RBFOX1: variants seen among roughly 807,000 people sequenced by gnomAD.
RBFOX1 encodes RNA binding protein fox-1 homolog 1.
In RBFOX1, 8 loss-of-function variants were observed where a neutral mutation model predicts 57.7. That is an observed-to-expected ratio of 0.14 (90% CI 0.08 to 0.25). The LOEUF (loss-of-function observed/expected upper bound fraction) is 0.25, where lower values mean the gene tolerates loss of function less well. RBFOX1 is among the 10% of genes least tolerant of loss of function. RBFOX1 has a pLI of 1.00. For synonymous variants in RBFOX1, 326 were observed against 222.4 expected (o/e 1.47, Z -4.15); for missense variants, 611 against 548.5 (o/e 1.11, Z -1.14).
At chr16:6,331,322 C>G (rs1026395255) in intron 2 of RBFOX1, among the ~76,000 whole-genome samples, 5 of 152,114 alleles carry the variant, frequency 3.3e-5, no homozygotes, top group African/African-American at 1.2e-4. Context: ...TGGTGCATGC[C>G]TGTAGTCCCA....
At chr16:6,937,107 TA>T (rs778233289) in intron 3 of RBFOX1, among the ~76,000 whole-genome samples, 1 of 151,740 alleles carries the variant, frequency 6.6e-6, no homozygotes, top group Non-Finnish European at 1.5e-5. Flanking sequence ...AAAAAATAAA[TA>T]AAAAAAGATC....
chr16:7,216,560 G>A (rs2092079344), intron 4 of RBFOX1, among the ~76,000 whole-genome samples: 1 of 152,136 alleles, frequency 6.6e-6, no homozygotes, highest in African/African-American at 2.4e-5. Context: ...AGTAAAGGGT[G>A]TAGCACAGAA....
At chr16:7,340,896 C>A (rs1193211208) in intron 4 of RBFOX1, among the ~76,000 whole-genome samples, 2 of 152,130 alleles carry the variant, frequency 1.3e-5, no homozygotes, top group Non-Finnish European at 2.9e-5. Flanking sequence ...TCATTTTGAT[C>A]ATTTTAAAGG....
intron 4 of RBFOX1, among the ~76,000 whole-genome samples, chr16:7,120,308 A>C (rs1365038250): frequency 6.6e-6 from 1 of 151,288 alleles, no homozygotes; most frequent in Non-Finnish European, 1.5e-5. Flanking sequence ...AAACTAATAC[A>C]TGCAAAGAGA....
At chr16:5,796,864 T>A (rs2151744980) in intron 3 of RBFOX1, among the ~76,000 whole-genome samples, 1 of 152,348 alleles carries the variant, frequency 6.6e-6, no homozygotes, top group East Asian at 1.9e-4. Context: ...CTCACATCAT[T>A]CATCAATTCA....
At chr16:7,454,334 A>G (rs555859021) in intron 4 of RBFOX1, among the ~76,000 whole-genome samples, 1 of 152,322 alleles carries the variant, frequency 6.6e-6, no homozygotes, top group Non-Finnish European at 1.5e-5. Flanking sequence ...GGTGAAGTAG[A>G]TGGGGGTGGG....
At chr16:6,698,988 C>G (rs2061446710) in intron 3 of RBFOX1, among the ~76,000 whole-genome samples, 1 of 152,128 alleles carries the variant, frequency 6.6e-6, no homozygotes, top group African/African-American at 2.4e-5. Context: ...GAGCTTAAAG[C>G]TAGAGAATGT....
chr16:6,585,642 CT>C, intron 2 of RBFOX1, among the ~76,000 whole-genome samples: 1 of 152,248 alleles, frequency 6.6e-6, no homozygotes, highest in East Asian at 1.9e-4. Context: ...GACATAGACT[CT>C]TTCTGTTTAA....
intron 2 of RBFOX1, among the ~76,000 whole-genome samples, chr16:6,450,777 A>ATACATATACATATATATATT (rs1555480496): frequency 2.5e-5 from 1 of 39,526 alleles, no homozygotes. Context: ...GTATATATAT[A>ATACATATACATATATATATT]TATATATATA....
At chr16:5,568,762 A>G (rs1363117908) in intron 2 of RBFOX1, among the ~76,000 whole-genome samples, 1 of 152,200 alleles carries the variant, frequency 6.6e-6, no homozygotes, top group East Asian at 1.9e-4. Context: ...TGAAGTTTGA[A>G]GTCAGTTTTG....
chr16:6,981,234 C>T (rs767007132), intron 3 of RBFOX1, among the ~76,000 whole-genome samples: 1 of 151,626 alleles, frequency 6.6e-6, no homozygotes, highest in Non-Finnish European at 1.5e-5. Context: ...AAGCCTAGTA[C>T]TCATTCATTG....
chr16:6,674,744 G>C (rs974949060), intron 3 of RBFOX1, among the ~76,000 whole-genome samples: 1 of 152,166 alleles, frequency 6.6e-6, no homozygotes, highest in Non-Finnish European at 1.5e-5. Context: ...AGCACGAGGG[G>C]TGCTGGCCAC....
intron 4 of RBFOX1, among the ~76,000 whole-genome samples, chr16:7,117,776 G>C (rs1338710461): frequency 6.6e-6 from 1 of 152,182 alleles, no homozygotes. Flanking sequence ...ACTGCAGTCA[G>C]GGTATCAGCC....
chr16:6,416,436 C>A (rs1056283705), intron 2 of RBFOX1, among the ~76,000 whole-genome samples: 19 of 152,220 alleles, frequency 1.2e-4, no homozygotes, highest in African/African-American at 4.3e-4. Context: ...GCTTTTCTCC[C>A]CTCTAATTCC....
chr16:5,517,432 G>T (rs879844574), intron 2 of RBFOX1, among the ~76,000 whole-genome samples: 1 of 152,180 alleles, frequency 6.6e-6, no homozygotes, highest in Non-Finnish European at 1.5e-5. Flanking sequence ...CTCTGAGTCT[G>T]TGGGACTTTT....
intron 2 of RBFOX1, among the ~76,000 whole-genome samples, chr16:6,580,293 C>G (rs759595299): frequency 1.1e-4 from 16 of 152,150 alleles, no homozygotes; most frequent in Non-Finnish European, 2.1e-4. Context: ...TGTTGTTTGA[C>G]TTTTTCCATC....
intron 4 of RBFOX1, among the ~76,000 whole-genome samples, chr16:7,483,186 A>T (rs2064462288): frequency 6.6e-6 from 1 of 152,086 alleles, no homozygotes. Flanking sequence ...TTTATTAACC[A>T]CCTACTATGT....
intron 14 of RBFOX1, among the ~76,000 whole-genome samples, chr16:7,686,300 A>G (rs1018640843): frequency 2.0e-5 from 3 of 152,094 alleles, no homozygotes; most frequent in Non-Finnish European, 4.4e-5. Flanking sequence ...CCCTAGAAAT[A>G]TAAACATAGG....
intron 3 of RBFOX1, among the ~76,000 whole-genome samples, chr16:6,966,870 T>C (rs1425930396): frequency 2.0e-5 from 3 of 149,488 alleles, no homozygotes; most frequent in African/African-American, 7.5e-5. Context: ...CATCCATCTA[T>C]CCATGTATCC....
Sources: gnomAD v4.1 joint callset for allele counts (sites outside exome capture counted in the v4.1 genomes callset) on GRCh38, gnomAD v4.1.1 for gene constraint, MANE v1.5 for transcripts, NCBI Gene and HGNC (gene_info 2026-07-23, HGNC 2026-07-21) for gene names.